PDPN: variants seen among roughly 807,000 people sequenced by gnomAD.
PDPN encodes the protein podoplanin.
PDPN carries 12 observed loss-of-function variants against 23.2 expected under a neutral mutation model. That is an observed-to-expected ratio of 0.52 (90% CI 0.33 to 0.84). PDPN has a LOEUF of 0.84. PDPN is among the 40% of genes least tolerant of loss of function. The pLI is 0.02. For synonymous variants in PDPN, 77 were observed against 76.7 expected (o/e 1.00, Z -0.02); for missense variants, 199 against 212.2 (o/e 0.94, Z 0.39).
In PDPN at chr1:13,616,014, A is replaced by G. The variant is rs1641064218; in HGVS notation, c.*103A>G. On this transcript the variant is annotated 3_prime_UTR_variant, in exon 6 of 6. Coordinates refer to ENST00000621990, the MANE Select transcript of PDPN (RefSeq NM_006474.5). ...CGTGGGAGAAGATGACCCGTGGAAC[A>G]CTTGCCTGGCCCACTCAGAATCCAC... is the stretch of plus-strand genomic sequence containing the variant. 9.0e-7 allele frequency: 1 copy of G among 1,116,460 alleles called. No homozygotes were observed. Among genetic ancestry groups the G allele is most frequent in the East Asian group, 2.3e-5 (1 of 42,600 alleles). The allele number at this position is 1,116,460 out of a possible 1,614,324, so 69.2% of individuals were successfully genotyped here. A position where few individuals can be genotyped will look rare whatever the true frequency, so the allele number is the denominator to read the frequency against.
chr1:13,606,825 C>T (rs1312779038), intron 1 of PDPN, among the ~76,000 whole-genome samples: 2 of 152,156 alleles, frequency 1.3e-5, no homozygotes, highest in African/African-American at 4.8e-5. Context: ...ATTAATTCAT[C>T]ATATGAAATG....
rs867259468 is a variant in PDPN at position 13,610,390 on chromosome 1, G to T, written c.205G>T (p.Ala69Ser). Reference sequence around the variant, plus strand: ...TCCTCATTTACACCTACAATAGGTGGCAACAAGTGTCAACAGTGTAACAGG... The same window carrying T: ...TCCTCATTTACACCTACAATAGGTGTCAACAAGTGTCAACAGTGTAACAGG... Reference protein sequence around the residue: ...RYKSGLTTLVATSVNSVTGIR... With the variant: ...RYKSGLTTLVSTSVNSVTGIR... The change falls in exon 3 of 6, where the codon GCA (alanine) becomes TCA (serine). Residue 69 changes from alanine (A) to serine (S), a missense_variant. By Grantham distance (99) the Ala-to-Ser change is moderately conservative. Transcript: ENST00000621990. 3 of 1,612,638 alleles carry T rather than the reference G, an allele frequency of 1.9e-6. No homozygotes were observed. The highest frequency in any genetic ancestry group is 1.7e-4 in the Middle Eastern group (1 of 6,052).
chr1:13,585,554 A>C, intron 1 of PDPN: 1 of 1,352,038 alleles, frequency 7.4e-7, no homozygotes, highest in South Asian at 1.1e-5. Context: ...GCCCTGCTAA[A>C]GAAAAAGCTG....
chr1:13,591,321 A>G (rs972753298), intron 1 of PDPN, among the ~76,000 whole-genome samples: 3 of 152,182 alleles, frequency 2.0e-5, no homozygotes, highest in African/African-American at 7.2e-5. Flanking sequence ...CTCTTACAGC[A>G]CTCATGACTA....
rs1365889989 is a variant in PDPN, at chr1:13,614,582, G to C, written c.482+171G>C. ...AGCCTGGGCAACATAGTAAGACCCTGTCTCAAAAAAATAATCTCTGGTACA... is the reference window on the plus strand; with the variant it reads ...AGCCTGGGCAACATAGTAAGACCCTCTCTCAAAAAAATAATCTCTGGTACA... On this transcript the variant is annotated intron_variant, in intron 5 of 5. Transcript: ENST00000621990. 4 of 563,726 alleles carry C rather than the reference G, an allele frequency of 7.1e-6. No homozygotes were observed. In the African/African-American group the frequency reaches 7.6e-5, roughly 11 times the overall value. The allele number at this position is 563,726 out of a possible 1,614,324, so 34.9% of individuals were successfully genotyped here.
rs34784418 is a variant in PDPN at position 13,613,870 on chromosome 1, CTTTTTTTTTT to C, written c.370+157_370+166del. ...AAACATTCCGAGAACAGATTTCAAG[CTTTTTTTTTT>C]TTTTTTTTTTTAAAGAGAGAAAAGG... is the stretch of plus-strand genomic sequence containing the variant. On this transcript the variant is annotated intron_variant, in intron 4 of 5. Coordinates refer to ENST00000621990, the MANE Select transcript of PDPN (RefSeq NM_006474.5). The C allele has an allele frequency of 3.7e-5, 8 of 218,320 alleles. No individual in the cohort carries two copies. The East Asian group carries it at 4.0e-4, about 11-fold the overall frequency. The allele number at this position is 218,320 out of a possible 1,614,324, so 13.5% of individuals were successfully genotyped here.
chr1:13,607,930 C>T (rs1253747734), intron 2 of PDPN, among the ~76,000 whole-genome samples: 1 of 152,024 alleles, frequency 6.6e-6, no homozygotes, highest in African/African-American at 2.4e-5. Flanking sequence ...GATGATGAAA[C>T]CTTGTCTCTA....
At chr1:13,588,086 T>G (rs970707963) in intron 1 of PDPN, among the ~76,000 whole-genome samples, 2 of 152,130 alleles carry the variant, frequency 1.3e-5, no homozygotes, top group Non-Finnish European at 2.9e-5. Context: ...AGCTGAAAGC[T>G]GACATTGTGA....
In PDPN at chr1:13,611,012, G is replaced by A. The variant is rs531633276; in HGVS notation, c.331+496G>A. ...TGAGGCGGGCGGATCACAAGGTCAG[G>A]AGATCAAGACCATCCTGGCTAACAC... On this transcript the variant is annotated intron_variant, in intron 3 of 5. Coordinates refer to ENST00000621990, the MANE Select transcript of PDPN (RefSeq NM_006474.5). 2.0e-3 allele frequency among the ~76,000 whole-genome samples: 308 copies of A among 152,240 alleles called. 1 individual carries two copies. Among genetic ancestry groups the A allele is most frequent in the South Asian group, 8.7e-3 (42 of 4,822 alleles).
At chr1:13,591,782 A>G (rs1640350591) in intron 1 of PDPN, among the ~76,000 whole-genome samples, 1 of 152,186 alleles carries the variant, frequency 6.6e-6, no homozygotes. Flanking sequence ...ACAGCCTCAG[A>G]TTCCTGGGCC....
intron 1 of PDPN, among the ~76,000 whole-genome samples, chr1:13,602,525 A>G (rs1640672268): frequency 6.6e-6 from 1 of 152,322 alleles, no homozygotes; most frequent in African/African-American, 2.4e-5. Flanking sequence ...AAAGATTTTT[A>G]TTAAGAATTT....
intron 2 of PDPN, among the ~76,000 whole-genome samples, chr1:13,609,097 G>A (rs1640869781): frequency 6.6e-6 from 1 of 152,156 alleles, no homozygotes; most frequent in African/African-American, 2.4e-5. Flanking sequence ...GAATTGTCTG[G>A]CTGCTTTCCT....
At chr1:13,613,622 C>T in intron 3 of PDPN, 65 bp from the exon 4 acceptor site, 1 of 807,204 alleles carries the variant, frequency 1.2e-6, no homozygotes, top group South Asian at 1.5e-5. Flanking sequence ...TCATCTTTTG[C>T]CAGTTGTTAA....
chr1:13,592,906 A>G (rs11806288), intron 1 of PDPN, among the ~76,000 whole-genome samples: 10,299 of 152,172 alleles, frequency 0.068, 1,119 homozygotes, highest in African/African-American at 0.23. Context: ...AAAATCAATT[A>G]CCCATAAATG....
intron 5 of PDPN, 73 bp from the exon 6 acceptor site, chr1:13,615,831 GA>G: frequency 8.9e-6 from 12 of 1,347,752 alleles, no homozygotes; most frequent in Non-Finnish European, 1.3e-5. Context: ...AGGACAATAG[GA>G]AAAAGGACTC....
At chr1:13,602,973 GT>G (rs1305458442) in intron 1 of PDPN, among the ~76,000 whole-genome samples, 2 of 151,996 alleles carry the variant, frequency 1.3e-5, no homozygotes, top group Non-Finnish European at 1.5e-5. Flanking sequence ...GAACCCAGGA[GT>G]TTAAGAGCAG....
chr1:13,586,084 T>C (rs1002740531), intron 1 of PDPN, among the ~76,000 whole-genome samples: 3 of 152,194 alleles, frequency 2.0e-5, no homozygotes, highest in Non-Finnish European at 4.4e-5. Context: ...ACCCTCATGC[T>C]GAACTTTCAT....
At position 13,607,276 on chromosome 1, in the gene PDPN, A is replaced by C; in HGVS notation, c.171A>C (p.Glu57Asp). Residue 57 changes from glutamate (E) to aspartate (D), a missense_variant, in exon 2 of 6, where the codon GAA becomes GAC. Glu to Asp is a conservative substitution (Grantham distance 45). Transcript: ENST00000621990. ...EDDVVTPGTS[E>D]DRYKSGLTTL... ...ATGTGGTGACTCCAGGAACCAGCGA[A>C]GACCGCTATAAGTCTGGCTTGACAA... 1 of 1,614,164 alleles carries C rather than the reference A, an allele frequency of 6.2e-7. No homozygotes were observed. The highest frequency in any genetic ancestry group is 8.5e-7 in the Non-Finnish European group (1 of 1,179,986).
chr1:13,604,529 G>C (rs1465024703), intron 1 of PDPN, among the ~76,000 whole-genome samples: 1 of 152,136 alleles, frequency 6.6e-6, no homozygotes, highest in African/African-American at 2.4e-5. Flanking sequence ...GAACAAGAAG[G>C]AATTTTTATA....
Sources: gnomAD v4.1 joint callset for allele counts (sites outside exome capture counted in the v4.1 genomes callset) on GRCh38, gnomAD v4.1.1 for gene constraint, MANE v1.5 for transcripts, NCBI Gene and HGNC (gene_info 2026-07-23, HGNC 2026-07-21) for gene names.